Variants in COL23A1 observed in about 807,000 individuals in gnomAD.
COL23A1 encodes the protein collagen type XXIII alpha 1 chain, also known as collagen alpha-1(XXIII) chain.
A neutral mutation model predicts 99.3 loss-of-function variants in COL23A1; 97 were observed. The observed-to-expected ratio is 0.98, with a 90% CI of 0.83 to 1.16. COL23A1 has a LOEUF of 1.16. COL23A1 is among the 50% of genes most tolerant of loss of function. The pLI is 0.00. For synonymous variants in COL23A1, 320 were observed against 308.2 expected, an observed-to-expected ratio of 1.04 and a Z score of -0.40; for missense variants, 762 against 757.4, an observed-to-expected ratio of 1.01 and a Z score of -0.07.
At chr5:178,297,549 G>A (rs1561837365) in intron 3 of COL23A1, among the ~76,000 whole-genome samples, 1 of 152,170 alleles carries the variant, frequency 6.6e-6, no homozygotes. Context: ...AGATGTCAAA[G>A]ACAAAGATGT....
At chr5:178,256,634 C>G (rs1480919285) in intron 14 of COL23A1, among the ~76,000 whole-genome samples, 5 of 152,224 alleles carry the variant, frequency 3.3e-5, no homozygotes, top group Admixed American at 3.3e-4. Context: ...GAGCCTGAGG[C>G]TGCATGGTGA....
intron 20 of COL23A1, 133 bp downstream of exon 20, chr5:178,248,059 C>G: frequency 2.7e-6 from 2 of 749,590 alleles, no homozygotes; most frequent in Non-Finnish European, 4.6e-6. Context: ...AGGGGTCTCG[C>G]TCCCCTTACT....
At chr5:178,406,648 T>C (rs888062856) in intron 2 of COL23A1, among the ~76,000 whole-genome samples, 5 of 152,236 alleles carry the variant, frequency 3.3e-5, no homozygotes, top group African/African-American at 1.2e-4. Context: ...CAGGCTAGTC[T>C]TGAACTCCTG....
intron 2 of COL23A1, among the ~76,000 whole-genome samples, chr5:178,347,889 A>AAC (rs1554142404): frequency 3.1e-4 from 37 of 118,974 alleles, no homozygotes; most frequent in African/African-American, 1.1e-3. Context: ...CAAAAAAAAA[A>AAC]AAAAAAAACC....
chr5:178,336,506 G>A (rs946565972), intron 2 of COL23A1, among the ~76,000 whole-genome samples: 2 of 152,244 alleles, frequency 1.3e-5, no homozygotes, highest in African/African-American at 4.8e-5. Flanking sequence ...CAGATTGTGT[G>A]ATTCCATTTA....
At chr5:178,420,576 T>C (rs1156414147) in intron 2 of COL23A1, among the ~76,000 whole-genome samples, 1 of 26,556 alleles carries the variant, frequency 3.8e-5, no homozygotes, top group Non-Finnish European at 7.1e-5. Flanking sequence ...TCCTCCCCTC[T>C]CCCACTCTTT....
chr5:178,489,831 A>G (rs1327042872), intron 2 of COL23A1, among the ~76,000 whole-genome samples: 1 of 152,230 alleles, frequency 6.6e-6, no homozygotes, highest in East Asian at 1.9e-4. Context: ...TGTTCCTAAC[A>G]GCACTATTTA....
At position 178,428,359 on chromosome 5, in the gene COL23A1, C is replaced by G. The variant is rs1192921191; in HGVS notation, c.362-121440G>C. On this transcript the variant is annotated intron_variant, in intron 2 of 28. Coordinates refer to ENST00000390654, the MANE Select transcript of COL23A1 (RefSeq NM_173465.4). The surrounding 1 kb of genome is among the most constrained non-coding windows in gnomAD (Gnocchi z 5.0). ...AGAACCTGCAGGACCATGGAGCCAGCTCTTTGCACGAGGAGGAGCCTTCCT... is the reference window on the plus strand; with the variant it reads ...AGAACCTGCAGGACCATGGAGCCAGGTCTTTGCACGAGGAGGAGCCTTCCT... 1.3e-5 allele frequency among the ~76,000 whole-genome samples: 2 copies of G among 152,228 alleles called. No individual in the cohort carries two copies. Among genetic ancestry groups the G allele is most frequent in the Non-Finnish European group, 2.9e-5 (2 of 68,040 alleles).
chr5:178,413,218 T>C (rs1765138703), intron 2 of COL23A1, among the ~76,000 whole-genome samples: 1 of 152,214 alleles, frequency 6.6e-6, no homozygotes, highest in East Asian at 1.9e-4. Flanking sequence ...ACAGTTCCAC[T>C]GTCTTCTGAT....
At chr5:178,463,619 GAGA>G (rs1339977412) in intron 2 of COL23A1, among the ~76,000 whole-genome samples, 19 of 152,334 alleles carry the variant, frequency 1.2e-4, no homozygotes, top group East Asian at 9.7e-4. Context: ...GATGCCAGGG[GAGA>G]AGAAGTTGAT....
chr5:178,377,621 G>A lies in COL23A1; in HGVS notation c.362-70702C>T, dbSNP rs373340513. ...CCCATCCCAACCCCATCTCCAAGGC[G>A]GTGCCATCCTCCCCTGGACCTTCGA... On this transcript the variant is annotated intron_variant, in intron 2 of 28. Coordinates refer to ENST00000390654, the MANE Select transcript of COL23A1 (RefSeq NM_173465.4). 2.5e-4 allele frequency among the ~76,000 whole-genome samples: 38 copies of A among 152,174 alleles called. 1 individual carries two copies. Among genetic ancestry groups the A allele is most frequent in the Admixed American group, 1.4e-3 (21 of 15,278 alleles).
At chr5:178,445,762 C>T (rs1437535661) in intron 2 of COL23A1, among the ~76,000 whole-genome samples, 3 of 151,850 alleles carry the variant, frequency 2.0e-5, no homozygotes, top group Non-Finnish European at 2.9e-5. Flanking sequence ...AAGAATCTTT[C>T]CAGGATATGA....
chr5:178,456,721 T>C (rs554900977), intron 2 of COL23A1, among the ~76,000 whole-genome samples: 1 of 148,280 alleles, frequency 6.7e-6, no homozygotes, highest in East Asian at 1.9e-4. Context: ...CTCCAGAGTT[T>C]AAAGTTTTAA....
At chr5:178,459,693 T>C (rs1055383689) in intron 2 of COL23A1, among the ~76,000 whole-genome samples, 19 of 152,122 alleles carry the variant, frequency 1.2e-4, no homozygotes, top group Non-Finnish European at 2.1e-4. Flanking sequence ...ACCCAGGAGT[T>C]GGAGGTTGCA....
At position 178,518,054 on chromosome 5, in the gene COL23A1, T is replaced by C. The variant is rs1043652127; in HGVS notation, c.361+42628A>G. Among the ~76,000 whole-genome samples, 29 of 129,810 alleles carry C rather than the reference T, an allele frequency of 2.2e-4. 3 individuals carry two copies. The highest frequency in any genetic ancestry group is 8.3e-4 in the African/African-American group (25 of 29,972). 85.2% of individuals were successfully genotyped at this position (129,810 alleles called of 152,430 possible). On this transcript the variant is annotated intron_variant, in intron 2 of 28. Transcript: ENST00000390654. ...CAGAGGACCCTGCGGCCTTCCGCAG[T>C]GTTTGTGTCCCTGATTACTTGAGAT...
intron 17 of COL23A1, among the ~76,000 whole-genome samples, chr5:178,250,978 CAAAAAAAA>C (rs558621690): frequency 1.4e-5 from 1 of 72,096 alleles, no homozygotes; most frequent in Admixed American, 2.1e-4. Context: ...GACTCCGTCT[CAAAAAAAA>C]AAAAAAAAAA....
intron 2 of COL23A1, among the ~76,000 whole-genome samples, chr5:178,424,416 A>G (rs1452255716): frequency 6.6e-6 from 1 of 152,254 alleles, no homozygotes. Context: ...GCCAGGCTTC[A>G]GGGAAAACCC....
intron 2 of COL23A1, among the ~76,000 whole-genome samples, chr5:178,523,243 GAGAGAGAGAGAGAC>G (rs1760103980): frequency 1.1e-5 from 1 of 93,306 alleles, no homozygotes; most frequent in African/African-American, 3.9e-5. Flanking sequence ...GAGAGACAGA[GAGAGAGAGAGAGAC>G]AGAGAGAGAG....
intron 2 of COL23A1, among the ~76,000 whole-genome samples, chr5:178,320,654 G>A (rs1453423036): frequency 2.0e-5 from 3 of 152,332 alleles, no homozygotes; most frequent in Non-Finnish European, 2.9e-5. Context: ...CAGTTCCCAC[G>A]CATCCTTGCC....
Sources: allele counts gnomAD v4.1 joint callset (sites outside exome capture counted in the v4.1 genomes callset), GRCh38; gene constraint gnomAD v4.1.1; non-coding constraint Gnocchi (gnomAD v3.1); transcripts MANE v1.5; gene names NCBI Gene and HGNC (gene_info 2026-07-23, HGNC 2026-07-21).